Variants in BRINP1 observed in about 807,000 individuals in gnomAD.
The protein encoded by BRINP1 is BMP/retinoic acid-inducible neural-specific protein 1.
A neutral mutation model predicts 72.9 loss-of-function variants in BRINP1; 17 were observed. The ratio of observed to expected loss-of-function variants is 0.23; its 90% CI spans 0.16 to 0.35. The LOEUF is 0.35. BRINP1 is among the 10% of genes least tolerant of loss of function. The pLI, the probability that BRINP1 is intolerant of heterozygous loss-of-function variation, is 1.00. For missense variants in BRINP1, 850 were observed against 1,001.6 expected (o/e 0.85, Z 2.04); for synonymous variants, 418 against 378.5 (o/e 1.10, Z -1.21).
intron 7 of BRINP1, among the ~76,000 whole-genome samples, chr9:119,177,310 C>A (rs1457583037): frequency 1.3e-5 from 2 of 152,116 alleles, no homozygotes; most frequent in Non-Finnish European, 2.9e-5. Context: ...CAGCAGCAGG[C>A]CCAGCCTTCA....
chr9:119,275,214 T>G (rs1588187299), intron 2 of BRINP1, among the ~76,000 whole-genome samples: 1 of 152,142 alleles, frequency 6.6e-6, no homozygotes, highest in African/African-American at 2.4e-5. Flanking sequence ...ATATGTAGGA[T>G]TATAAAAGCC....
rs912181785 is a variant in BRINP1, at chr9:119,167,814, C to T, written c.1556G>A (p.Arg519Gln). 12 of 1,613,362 alleles carry T rather than the reference C, an allele frequency of 7.4e-6. No individual in the cohort carries two copies. Among genetic ancestry groups the T allele is most frequent in the Admixed American group, 3.3e-5 (2 of 59,826 alleles). The change falls in exon 8 of 8, where the codon CGG (arginine) becomes CAG (glutamine). Residue 519 changes from arginine to glutamine, a missense_variant. Transcript: ENST00000265922. This position sits in a 1 kb window ranked among gnomAD's most constrained non-coding sequence, Gnocchi z 4.3. ...AGTGAGGGACATGCGCTTGCGCCACCGAGGGTCAAAGAAGGTGTCGAGGCG... is the reference window on the plus strand; with the variant it reads ...AGTGAGGGACATGCGCTTGCGCCACTGAGGGTCAAAGAAGGTGTCGAGGCG... ...EIRLDTFFDP[R>Q]WRKRMSLTLK... is the part of the protein sequence containing the mutation.
At position 119,167,347 on chromosome 9, in the gene BRINP1, G is replaced by C; in HGVS notation, c.2023C>G (p.Gln675Glu). 6.2e-7 allele frequency: 1 copy of C among 1,614,140 alleles called. No individual in the cohort carries two copies. Among genetic ancestry groups the C allele is most frequent in the Non-Finnish European group, 8.5e-7 (1 of 1,180,022 alleles). The change falls in exon 8 of 8, where the codon CAG becomes GAG. Residue 675 changes from glutamine to glutamate, a missense_variant. By Grantham distance (29) the Gln-to-Glu change is conservative. Coordinates refer to ENST00000265922, the MANE Select transcript of BRINP1 (RefSeq NM_014618.3). The surrounding 1 kb of genome is among the most constrained non-coding windows in gnomAD (Gnocchi z 4.3). ...CCCTGTGTGTAGGACTGGTTGACCT[G>C]CTGCACTGCACTGCGCAGGAGGTCG... ...NADLLRSAVQ[Q>E]VNQSYTQGGQ...
intron 7 of BRINP1, among the ~76,000 whole-genome samples, chr9:119,192,211 T>A (rs1231760018): frequency 6.6e-6 from 1 of 151,894 alleles, no homozygotes; most frequent in Non-Finnish European, 1.5e-5. Flanking sequence ...TTTTTTGATA[T>A]CATACCAAAA....
Position 119,368,959 on chromosome 9 carries a change from G to A in BRINP1, c.-51+97C>T. 2.6e-6 allele frequency: 1 copy of A among 388,608 alleles called. No homozygotes were observed. The highest frequency in any genetic ancestry group is 4.5e-6 in the Non-Finnish European group (1 of 219,976). The allele number at this position is 388,608 out of a possible 1,614,324, so 24.1% of individuals were successfully genotyped here. ...AAGAGCGGACAAGGGTGCCGGTAGG[G>A]GGAGGGGCAGAGGAGCGCGGGGACG... is the stretch of plus-strand genomic sequence containing the variant. On this transcript the variant is annotated intron_variant, in intron 1 of 7. Coordinates refer to ENST00000265922, the MANE Select transcript of BRINP1 (RefSeq NM_014618.3). This position sits in a 1 kb window ranked among gnomAD's most constrained non-coding sequence, Gnocchi z 4.7.
At chr9:119,334,141 G>C (rs1010688094) in intron 1 of BRINP1, among the ~76,000 whole-genome samples, 5 of 152,314 alleles carry the variant, frequency 3.3e-5, no homozygotes, top group Admixed American at 3.3e-4. Flanking sequence ...TTTCCTGAAA[G>C]AGATCCTTTG....
Position 119,298,206 on chromosome 9 carries a change from A to C in BRINP1, c.218+14932T>G, listed in dbSNP as rs375882404. Among the ~76,000 whole-genome samples, 39 of 152,188 alleles carry C rather than the reference A, an allele frequency of 2.6e-4. 1 individual carries two copies. The East Asian group carries it at 3.5e-3, about 14-fold the overall frequency. On this transcript the variant is annotated intron_variant, in intron 2 of 7. Transcript: ENST00000265922. ...GCACTATCTTCCATCAGAGCAGGGAAAGGAATCCAAAGTCCGTCCCTCATG... is the reference window on the plus strand; with the variant it reads ...GCACTATCTTCCATCAGAGCAGGGACAGGAATCCAAAGTCCGTCCCTCATG...
chr9:119,288,033 C>T (rs1830784071), intron 2 of BRINP1, among the ~76,000 whole-genome samples: 1 of 152,106 alleles, frequency 6.6e-6, no homozygotes, highest in Non-Finnish European at 1.5e-5. Flanking sequence ...CCCACAGTTA[C>T]TTTTAAAAAC....
intron 5 of BRINP1, among the ~76,000 whole-genome samples, chr9:119,230,445 T>G (rs1030094181): frequency 1.3e-5 from 2 of 151,922 alleles, no homozygotes; most frequent in African/African-American, 2.4e-5. Flanking sequence ...TTGACCCTCA[T>G]TGTACTGATC....
rs375429692 is a variant in BRINP1, at chr9:119,175,555, C to T, written c.1146-7331G>A. 3.9e-5 allele frequency among the ~76,000 whole-genome samples: 6 copies of T among 152,162 alleles called. No individual in the cohort carries two copies. The East Asian group carries it at 1.2e-3, about 29-fold the overall frequency. On this transcript the variant is annotated intron_variant, in intron 7 of 7. Transcript: ENST00000265922. ...GGGGGGTTATTTCCCTGCATTTTTC[C>T]AGAGCTCCAAACTCTCCATTCAGTT...
In BRINP1 at chr9:119,362,320, C is replaced by G. The variant is rs189403544; in HGVS notation, c.-51+6736G>C. Among the ~76,000 whole-genome samples, 53 of 152,208 alleles carry G rather than the reference C, an allele frequency of 3.5e-4. No individual in the cohort carries two copies. In the East Asian group the frequency reaches 9.1e-3, roughly 26 times the overall value. ...GTATAATATTCCGAATTAATGGAGA[C>G]AGAAAAAGATACTGCCTGTGATCTC... On this transcript the variant is annotated intron_variant, in intron 1 of 7. Transcript: ENST00000265922.
intron 3 of BRINP1, among the ~76,000 whole-genome samples, chr9:119,243,503 G>A (rs1268839503): frequency 6.6e-6 from 1 of 152,150 alleles, no homozygotes; most frequent in Non-Finnish European, 1.5e-5. Context: ...GAATAGTGCT[G>A]CAATGAACAT....
chr9:119,339,191 G>C (rs1357452918), intron 1 of BRINP1, among the ~76,000 whole-genome samples: 3 of 152,170 alleles, frequency 2.0e-5, no homozygotes, highest in Admixed American at 2.0e-4. Flanking sequence ...CAATTACTCA[G>C]CTCTATCACT....
At chr9:119,266,353 C>T (rs187745326) in intron 2 of BRINP1, among the ~76,000 whole-genome samples, 5 of 152,188 alleles carry the variant, frequency 3.3e-5, no homozygotes, top group Non-Finnish European at 5.9e-5. Context: ...TGGTACACCA[C>T]GATGAAGACT....
chr9:119,269,558 G>A (rs1830586818), intron 2 of BRINP1, among the ~76,000 whole-genome samples: 1 of 152,052 alleles, frequency 6.6e-6, no homozygotes, highest in South Asian at 2.1e-4. Flanking sequence ...TTTATTCAGT[G>A]CCTTCTAGTT....
chr9:119,290,645 G>T (rs1422232094), intron 2 of BRINP1, among the ~76,000 whole-genome samples: 1 of 152,180 alleles, frequency 6.6e-6, no homozygotes, highest in Non-Finnish European at 1.5e-5. Context: ...GAATGTAGGT[G>T]ATAATGGAAG....
chr9:119,173,343 C>A (rs1829440727), intron 7 of BRINP1, among the ~76,000 whole-genome samples: 1 of 145,832 alleles, frequency 6.9e-6, no homozygotes, highest in Non-Finnish European at 1.5e-5. Context: ...CAACAACAGA[C>A]AAACAGAGAG....
chr9:119,246,189 T>C (rs578202171), intron 3 of BRINP1, among the ~76,000 whole-genome samples: 1 of 152,340 alleles, frequency 6.6e-6, no homozygotes, highest in East Asian at 1.9e-4. Flanking sequence ...TGATGGTTAA[T>C]ACTGAGTGTC....
chr9:119,253,422 C>G (rs1399877360), intron 2 of BRINP1, among the ~76,000 whole-genome samples: 1 of 151,990 alleles, frequency 6.6e-6, no homozygotes, highest in Non-Finnish European at 1.5e-5. Context: ...TATCATTCAG[C>G]CATAAAAGGG....
Sources: allele counts gnomAD v4.1 joint callset (sites outside exome capture counted in the v4.1 genomes callset), GRCh38; gene constraint gnomAD v4.1.1; non-coding constraint Gnocchi (gnomAD v3.1); transcripts MANE v1.5; gene names NCBI Gene and HGNC (gene_info 2026-07-23, HGNC 2026-07-21).